The following KCNJ6 variants were observed in gnomAD, a reference collection of about 807,000 sequenced individuals.
The protein encoded by KCNJ6 is G protein-activated inward rectifier potassium channel 2.
Under a neutral mutation model 34.2 loss-of-function variants are expected in KCNJ6, and 9 were observed. That is an observed-to-expected ratio of 0.26 (90% CI 0.16 to 0.46). The LOEUF (loss-of-function observed/expected upper bound fraction) is 0.46, where lower values mean the gene tolerates loss of function less well. Ranked by LOEUF, KCNJ6 falls within the 20% of genes least tolerant of loss-of-function variation. KCNJ6 has a pLI of 1.00. For missense variants in KCNJ6, 236 were observed against 531.3 expected, an observed-to-expected ratio of 0.44 and a Z score of 5.46; for synonymous variants, 196 against 207.1, an observed-to-expected ratio of 0.95 and a Z score of 0.46.
rs2054281566 is a variant in KCNJ6, at chr21:37,618,868, G to A, written c.*6291C>T. 6.6e-6 allele frequency: 1 copy of A among 152,198 alleles called. No homozygotes were observed. The highest frequency in any genetic ancestry group is 6.5e-5 in the Admixed American group (1 of 15,282). 9.4% of individuals were successfully genotyped at this position (152,198 alleles called of 1,614,324 possible). On this transcript the variant is annotated 3_prime_UTR_variant, in exon 4 of 4. Transcript: ENST00000609713. ...TTATTGAATTAGGTGGATACATGAA[G>A]CTTTCTTTTACCAAGGCAATGAGGC... is the stretch of plus-strand genomic sequence containing the variant.
chr21:37,723,444 C>A (rs2054837086), intron 2 of KCNJ6, among the ~76,000 whole-genome samples: 1 of 152,162 alleles, frequency 6.6e-6, no homozygotes, highest in Non-Finnish European at 1.5e-5. Context: ...AAAATAAATT[C>A]TTCTACCAAG....
rs542732203 is a variant in KCNJ6 at position 37,837,230 on chromosome 21, C to T, written c.25+3428G>A. ...TTCTTATCCTTATCATGCCCGTCCTCGTTTCAATAATGTGACGTAAAATAT... is the reference window on the plus strand; with the variant it reads ...TTCTTATCCTTATCATGCCCGTCCTTGTTTCAATAATGTGACGTAAAATAT... On this transcript the variant is annotated intron_variant, in intron 2 of 3. Transcript: ENST00000609713. 2.9e-4 allele frequency among the ~76,000 whole-genome samples: 44 copies of T among 152,010 alleles called. 1 individual carries two copies. Among genetic ancestry groups the T allele is most frequent in the African/African-American group, 9.7e-4 (40 of 41,434 alleles).
chr21:37,855,061 T>C (rs890090483), intron 1 of KCNJ6, among the ~76,000 whole-genome samples: 5 of 152,242 alleles, frequency 3.3e-5, no homozygotes, highest in Non-Finnish European at 7.3e-5. Context: ...ATACACGTTC[T>C]TTCCAAATGC....
intron 3 of KCNJ6, among the ~76,000 whole-genome samples, chr21:37,633,918 T>G (rs1258815796): frequency 9.3e-6 from 1 of 107,646 alleles, no homozygotes; most frequent in Non-Finnish European, 1.9e-5. Flanking sequence ...CAACAAAACA[T>G]TCTTAAAGTC....
chr21:37,760,130 A>G lies in KCNJ6; in HGVS notation c.26-44999T>C, dbSNP rs117295987. ...GCAGACCCAGCCAACATCAGATGGA[A>G]CCTACAAGAGAATAAGTCCTGGTCC... On this transcript the variant is annotated intron_variant, in intron 2 of 3. Coordinates refer to ENST00000609713, the MANE Select transcript of KCNJ6 (RefSeq NM_002240.5). Among the ~76,000 whole-genome samples the G allele has an allele frequency of 1.1e-3, 172 of 152,306 alleles. 1 individual carries two copies. Among genetic ancestry groups the G allele is most frequent in the Non-Finnish European group, 2.1e-3 (142 of 68,022 alleles).
intron 2 of KCNJ6, among the ~76,000 whole-genome samples, chr21:37,809,276 C>CA (rs1478028327): frequency 1.3e-5 from 2 of 149,498 alleles, no homozygotes; most frequent in South Asian, 2.1e-4. Context: ...ATCGCAAGGA[C>CA]AAAAAACCAA....
intron 1 of KCNJ6, among the ~76,000 whole-genome samples, chr21:37,881,402 G>T (rs958597665): frequency 1.3e-5 from 2 of 152,082 alleles, no homozygotes; most frequent in African/African-American, 4.8e-5. Flanking sequence ...CCTGGTAAGG[G>T]CTCCTTTCCT....
intron 2 of KCNJ6, among the ~76,000 whole-genome samples, chr21:37,734,738 G>A (rs1023859212): frequency 6.6e-6 from 1 of 152,124 alleles, no homozygotes; most frequent in African/African-American, 2.4e-5. Context: ...GGGAAATAAA[G>A]GGATGCAGGT....
intron 2 of KCNJ6, among the ~76,000 whole-genome samples, chr21:37,771,160 G>A (rs1446216399): frequency 6.6e-6 from 1 of 152,100 alleles, no homozygotes; most frequent in African/African-American, 2.4e-5. Flanking sequence ...TGGTCTTTTA[G>A]GTATCAACAT....
At chr21:37,854,438 C>G (rs574181555) in intron 1 of KCNJ6, among the ~76,000 whole-genome samples, 1 of 152,050 alleles carries the variant, frequency 6.6e-6, no homozygotes, top group Non-Finnish European at 1.5e-5. Context: ...TACTTGAGAG[C>G]TAAAAAATTG....
chr21:37,644,323 T>A (rs544685488), intron 3 of KCNJ6, among the ~76,000 whole-genome samples: 97 of 152,178 alleles, frequency 6.4e-4, no homozygotes, highest in Non-Finnish European at 1.2e-3. Flanking sequence ...AAAATCCCCA[T>A]GACGCAAGTT....
rs141850983 is a variant in KCNJ6, at chr21:37,823,299, T to C, written c.25+17359A>G. The stretch of plus-strand genomic sequence containing the variant: ...GGAAATTCTGTCACTTGCAACAACA[T>C]GGATGAACCTGGAGCACATTATGTG... On this transcript the variant is annotated intron_variant, in intron 2 of 3. Transcript: ENST00000609713. Among the ~76,000 whole-genome samples the C allele has an allele frequency of 1.1e-3, 170 of 152,282 alleles. 2 individuals are homozygous for C. In the East Asian group the frequency reaches 0.017, roughly 15 times the overall value.
At chr21:37,736,146 G>A (rs1009238069) in intron 2 of KCNJ6, among the ~76,000 whole-genome samples, 3 of 152,144 alleles carry the variant, frequency 2.0e-5, no homozygotes, top group African/African-American at 7.2e-5. Context: ...CTGCCATTTT[G>A]GTCCCATAAC....
intron 1 of KCNJ6, among the ~76,000 whole-genome samples, chr21:37,896,118 C>T (rs1472968977): frequency 6.6e-6 from 1 of 152,156 alleles, no homozygotes; most frequent in Non-Finnish European, 1.5e-5. Context: ...AGGCACGTCA[C>T]ATGACAAGAG....
intron 3 of KCNJ6, among the ~76,000 whole-genome samples, chr21:37,663,539 A>T (rs1224863223): frequency 6.6e-6 from 1 of 152,330 alleles, no homozygotes. Context: ...AGTTGAAGCT[A>T]AAATAATAGG....
intron 3 of KCNJ6, among the ~76,000 whole-genome samples, chr21:37,643,686 G>C (rs944378717): frequency 6.6e-6 from 1 of 152,108 alleles, no homozygotes; most frequent in Non-Finnish European, 1.5e-5. Context: ...GCAAACTATT[G>C]GTCTCCCACA....
At chr21:37,888,781 G>A (rs1840088647) in intron 1 of KCNJ6, among the ~76,000 whole-genome samples, 1 of 152,222 alleles carries the variant, frequency 6.6e-6, no homozygotes, top group South Asian at 2.1e-4. Context: ...CAGTTAGTGA[G>A]CCCCACTCCT....
chr21:37,908,354 C>T (rs778397725), intron 1 of KCNJ6, among the ~76,000 whole-genome samples: 3 of 152,218 alleles, frequency 2.0e-5, no homozygotes, highest in Non-Finnish European at 4.4e-5. Flanking sequence ...GGTTCTCAAA[C>T]ACTGCTTACA....
At chr21:37,798,074 T>C (rs911034329) in intron 2 of KCNJ6, among the ~76,000 whole-genome samples, 2 of 152,238 alleles carry the variant, frequency 1.3e-5, no homozygotes, top group African/African-American at 2.4e-5. Flanking sequence ...GCATTGGTGC[T>C]AAGGGCTCCC....
Sources: gnomAD v4.1 joint callset for allele counts (sites outside exome capture counted in the v4.1 genomes callset) on GRCh38, gnomAD v4.1.1 for gene constraint, MANE v1.5 for transcripts, NCBI Gene and HGNC (gene_info 2026-07-23, HGNC 2026-07-21) for gene names.